Variants in KIAA1614 observed in about 807,000 individuals in gnomAD.
KIAA1614 encodes the protein KIAA1614, also known as uncharacterized protein KIAA1614.
In KIAA1614, 76 loss-of-function variants were observed where a neutral mutation model predicts 88.7. The ratio of observed to expected loss-of-function variants is 0.86; its 90% CI spans 0.71 to 1.04. KIAA1614 has a LOEUF of 1.04. KIAA1614 is among the 50% of genes least tolerant of loss of function. The pLI is 0.00. For missense variants in KIAA1614, 1,553 were observed against 1,582.5 expected, an observed-to-expected ratio of 0.98 and a Z score of 0.32; for synonymous variants, 714 against 675.5, an observed-to-expected ratio of 1.06 and a Z score of -0.88.
rs762828590 is a variant in KIAA1614, at chr1:180,935,858, G to A, written c.1949G>A (p.Arg650Gln). The A allele has an allele frequency of 7.4e-6, 12 of 1,613,702 alleles. No individual in the cohort carries two copies. The Admixed American group carries it at 1.0e-4, about 13-fold the overall frequency. The change falls in exon 5 of 9, where the codon CGG becomes CAG. Residue 650 changes from arginine (R) to glutamine (Q), a missense_variant. Transcript: ENST00000367588. The surrounding 1 kb of genome is among the most constrained non-coding windows in gnomAD (Gnocchi z 6.1). ...TQGSSPRLRL[R>Q]GSRPRGHRWS... The stretch of plus-strand genomic sequence containing the variant: ...GGCAGCAGCCCGCGACTGCGACTGC[G>A]GGGCTCCAGGCCTCGAGGCCACAGG...
At position 180,945,731 on chromosome 1, in the gene KIAA1614, G is replaced by A. The variant is rs79222060; in HGVS notation, c.*143G>A. ...CCTAGGCAACTGCAGCTGAGAGTGC[G>A]TTGGTGGGGAGTGTGCGGGAGGGGG... On this transcript the variant is annotated 3_prime_UTR_variant, in exon 9 of 9. Transcript: ENST00000367588. The A allele has an allele frequency of 3.2e-3, 4,489 of 1,392,814 alleles. 142 individuals carry two copies. The African/African-American group carries it at 0.061, about 19-fold the overall frequency. 86.3% of individuals were successfully genotyped at this position (1,392,814 alleles called of 1,614,324 possible).
rs555201953 is a variant in KIAA1614, at chr1:180,948,079, C to T, written c.*2491C>T. On this transcript the variant is annotated 3_prime_UTR_variant, in exon 9 of 9. Coordinates refer to ENST00000367588, the MANE Select transcript of KIAA1614 (RefSeq NM_020950.2). ...CTCTAGTGACCCAGGGCCCCCGGCA[C>T]CCTCGCCTGAGTTGGTGCCAGCTCC... 2.6e-5 allele frequency: 4 copies of T among 152,384 alleles called. No homozygotes were observed. The South Asian group carries it at 8.3e-4, about 32-fold the overall frequency. The allele number at this position is 152,384 out of a possible 1,614,324, so 9.4% of individuals were successfully genotyped here.
At chr1:180,933,978 G>A (rs917001971) in intron 4 of KIAA1614, among the ~76,000 whole-genome samples, 6 of 152,236 alleles carry the variant, frequency 3.9e-5, no homozygotes, top group African/African-American at 1.4e-4. Flanking sequence ...TTTAAGGCCG[G>A]GTGCGGTGGC....
At chr1:180,920,880 C>T (rs1558065115) in intron 3 of KIAA1614, among the ~76,000 whole-genome samples, 1 of 152,220 alleles carries the variant, frequency 6.6e-6, no homozygotes, top group Non-Finnish European at 1.5e-5. Context: ...AGAGAAGGCT[C>T]AGTTGCAGAG....
intron 6 of KIAA1614, among the ~76,000 whole-genome samples, chr1:180,938,982 C>T (rs751091181): frequency 6.6e-6 from 1 of 152,204 alleles, no homozygotes; most frequent in African/African-American, 2.4e-5. Context: ...CTAGCAGAGC[C>T]CTAGCCCTGG....
At chr1:180,923,187 G>A (rs769252862) in intron 3 of KIAA1614, among the ~76,000 whole-genome samples, 2 of 152,200 alleles carry the variant, frequency 1.3e-5, no homozygotes, top group Non-Finnish European at 2.9e-5. Context: ...GCCTCATTAT[G>A]TAGGCATGAT....
chr1:180,930,397 C>A (rs959108815), intron 4 of KIAA1614, among the ~76,000 whole-genome samples: 4 of 151,728 alleles, frequency 2.6e-5, no homozygotes, highest in African/African-American at 9.7e-5. Context: ...CCAGCCTGGG[C>A]GACAGAGCAA....
intron 1 of KIAA1614, 45 bp downstream of exon 1, chr1:180,913,338 C>T: frequency 2.5e-6 from 3 of 1,203,916 alleles, no homozygotes; most frequent in Non-Finnish European, 1.0e-6. Flanking sequence ...GCGGGGGTGG[C>T]GGACCGGCGG....
chr1:180,938,598 C>T lies in KIAA1614; in HGVS notation c.2805C>T (p.Ile935=), dbSNP rs1654383263. ...TTGGCTCAGCAGATGTTGCCACCATCAACTCCACGGGCATCACCCTCTCCC... is the reference window on the plus strand; with the variant it reads ...TTGGCTCAGCAGATGTTGCCACCATTAACTCCACGGGCATCACCCTCTCCC... ...GFLGSADVAT[I]NSTGITLSLS... The change falls in exon 6 of 9, where the codon ATC becomes ATT. Residue 935 remains isoleucine, a synonymous_variant. Coordinates refer to ENST00000367588, the MANE Select transcript of KIAA1614 (RefSeq NM_020950.2). The T allele has an allele frequency of 6.2e-7, 1 of 1,614,164 alleles. No individual in the cohort carries two copies. The highest frequency in any genetic ancestry group is 8.5e-7 in the Non-Finnish European group (1 of 1,179,988).
At chr1:180,913,593 G>A (rs2102250668) in intron 1 of KIAA1614, among the ~76,000 whole-genome samples, 1 of 152,314 alleles carries the variant, frequency 6.6e-6, no homozygotes, top group Admixed American at 6.5e-5. Context: ...AAGGTCTCTG[G>A]CGTGCTGTTC....
At chr1:180,922,284 G>A (rs1033637817) in intron 3 of KIAA1614, among the ~76,000 whole-genome samples, 4 of 152,190 alleles carry the variant, frequency 2.6e-5, no homozygotes, top group African/African-American at 9.7e-5. Flanking sequence ...TGAGGGAAGC[G>A]CAGGGAACAT....
intron 6 of KIAA1614, 36 bp from the exon 7 acceptor site, chr1:180,941,009 C>T (rs1459958877): frequency 1.9e-5 from 16 of 837,072 alleles, no homozygotes; most frequent in Non-Finnish European, 2.2e-5. Context: ...CCTCCCGGCC[C>T]TCCCCCGCCC....
chr1:180,924,022 A>G (rs1654013645), intron 3 of KIAA1614, among the ~76,000 whole-genome samples: 1 of 152,124 alleles, frequency 6.6e-6, no homozygotes, highest in Admixed American at 6.5e-5. Context: ...AGGATACTTA[A>G]CACGCTCCCA....
rs553461711 is a variant in KIAA1614, at chr1:180,927,039, G to T, written c.1062-1391G>T. On this transcript the variant is annotated intron_variant, in intron 3 of 8. Coordinates refer to ENST00000367588, the MANE Select transcript of KIAA1614 (RefSeq NM_020950.2). ...CAGGGTTGGATGCAAATAGTGAGAA[G>T]AAAAAGAAAAGGAAACAAGAAAAGA... Among the ~76,000 whole-genome samples, 3 of 152,262 alleles carry T rather than the reference G, an allele frequency of 2.0e-5. No individual in the cohort carries two copies. The East Asian group carries it at 5.8e-4, about 29-fold the overall frequency.
chr1:180,941,100 C>T lies in KIAA1614; in HGVS notation c.2974C>T (p.Gln992Ter), dbSNP rs1654450519. 1 of 1,612,592 alleles carries T rather than the reference C, an allele frequency of 6.2e-7. No homozygotes were observed. Among genetic ancestry groups the T allele is most frequent in the African/African-American group, 1.3e-5 (1 of 74,700 alleles). The change falls in exon 7 of 9, where the codon CAG becomes TAG. Residue 992 changes from glutamine (Q) to a stop codon, truncating the protein, a stop_gained. Transcript: ENST00000367588. LOFTEE classifies it high-confidence loss of function. ...PGSPSAAPLD[Q>*]NKKRSSSIAS... ...CTCCCCCTCGGCTGCCCCTTTGGACCAGAACAAGAAAAGGAGCAGCAGCAT... is the reference window on the plus strand; with the variant it reads ...CTCCCCCTCGGCTGCCCCTTTGGACTAGAACAAGAAAAGGAGCAGCAGCAT...
rs1198997522 is a variant in KIAA1614 at position 180,945,476 on chromosome 1, G to A, written c.3461G>A (p.Arg1154His). ...TTCTGCGTGGCCTCTGGGAATGGGC[G>A]CCCAGACTCAGGTATGCCCTCTCCT... Reference protein sequence around the residue: ...FGFCVASGNGRPDSGMPSPLP... With the variant: ...FGFCVASGNGHPDSGMPSPLP... The change falls in exon 9 of 9, where the codon CGC (arginine) becomes CAC (histidine). Residue 1154 changes from arginine to histidine, a missense_variant. By Grantham distance (29) the Arg-to-His change is conservative. Coordinates refer to ENST00000367588, the MANE Select transcript of KIAA1614 (RefSeq NM_020950.2). The A allele has an allele frequency of 2.5e-6, 4 of 1,612,928 alleles. No homozygotes were observed. The highest frequency in any genetic ancestry group is 1.3e-5 in the African/African-American group (1 of 74,892).
chr1:180,919,069 C>T lies in KIAA1614; in HGVS notation c.1061+1155C>T, dbSNP rs1328243701. ...CATGAGGGCCATGCCCCATGACCTA[C>T]TTACCTCCCAAAGCTCCACCTCCTG... On this transcript the variant is annotated intron_variant, in intron 3 of 8. Coordinates refer to ENST00000367588, the MANE Select transcript of KIAA1614 (RefSeq NM_020950.2). 2.0e-5 allele frequency among the ~76,000 whole-genome samples: 3 copies of T among 152,182 alleles called. No individual in the cohort carries two copies. The South Asian group carries it at 6.2e-4, about 31-fold the overall frequency.
Position 180,935,029 on chromosome 1 carries a change from C to A in KIAA1614, c.1206-86C>A. 2.0e-6 allele frequency: 2 copies of A among 978,540 alleles called. No homozygotes were observed. Among genetic ancestry groups the A allele is most frequent in the Non-Finnish European group, 2.7e-6 (2 of 735,470 alleles). The allele number at this position is 978,540 out of a possible 1,614,324, so 60.6% of individuals were successfully genotyped here. A position where few individuals can be genotyped will look rare whatever the true frequency, so the allele number is the denominator to read the frequency against. Reference sequence around the variant, plus strand: ...CACAGAGCACGGTGGGAGACTGTAGCCCAGGGTGGAGAGGGTAGGGCCGAT... The same window carrying A: ...CACAGAGCACGGTGGGAGACTGTAGACCAGGGTGGAGAGGGTAGGGCCGAT... On this transcript the variant is annotated intron_variant, in intron 4 of 8. Coordinates refer to ENST00000367588, the MANE Select transcript of KIAA1614 (RefSeq NM_020950.2). The surrounding 1 kb of genome is among the most constrained non-coding windows in gnomAD (Gnocchi z 6.1).
intron 1 of KIAA1614, among the ~76,000 whole-genome samples, chr1:180,913,612 A>G (rs568713332): frequency 6.6e-6 from 1 of 152,210 alleles, no homozygotes; most frequent in East Asian, 1.9e-4. Flanking sequence ...TCCAGAGTTT[A>G]CCCATCAACA....
Sources: gnomAD v4.1 joint callset for allele counts (sites outside exome capture counted in the v4.1 genomes callset) on GRCh38, gnomAD v4.1.1 for gene constraint, Gnocchi (gnomAD v3.1) non-coding constraint, MANE v1.5 for transcripts, NCBI Gene and HGNC (gene_info 2026-07-23, HGNC 2026-07-21) for gene names.